The following SLCO6A1 variants were observed in gnomAD, a reference collection of about 807,000 sequenced individuals.
The protein encoded by SLCO6A1 is solute carrier organic anion transporter family member 6A1.
In SLCO6A1, 65 loss-of-function variants were observed where a neutral mutation model predicts 72.7. The ratio of observed to expected loss-of-function variants is 0.89; its 90% CI spans 0.73 to 1.10. The LOEUF is 1.10. Ranked by LOEUF, SLCO6A1 falls within the 50% of genes least tolerant of loss-of-function variation. The pLI, the probability that SLCO6A1 is intolerant of heterozygous loss-of-function variation, is 0.00. For missense variants in SLCO6A1, 874 were observed against 872.6 expected (o/e 1.00, Z -0.02); for synonymous variants, 314 against 298.2 (o/e 1.05, Z -0.55).
In SLCO6A1 at chr5:102,418,121, G is replaced by C. The variant is rs148890390; in HGVS notation, c.1472+1705C>G. On this transcript the variant is annotated intron_variant, in intron 8 of 13. Transcript: ENST00000506729. ...AGGACTTTAAAAATATTATTCCACT[G>C]TCTTCTTACCTGCATTTGTTTCTGA... 2.1e-3 allele frequency among the ~76,000 whole-genome samples: 317 copies of C among 151,458 alleles called. 3 individuals are homozygous for C. The highest frequency in any genetic ancestry group is 7.3e-3 in the African/African-American group (301 of 41,216).
At chr5:102,415,114 T>C (rs1205713078) in intron 8 of SLCO6A1, among the ~76,000 whole-genome samples, 1 of 152,090 alleles carries the variant, frequency 6.6e-6, no homozygotes, top group Non-Finnish European at 1.5e-5. Context: ...AGAATTAATC[T>C]TGTTAAAATG....
At position 102,469,894 on chromosome 5, in the gene SLCO6A1, T is replaced by G. The variant is rs561890700; in HGVS notation, c.899+5803A>C. On this transcript the variant is annotated intron_variant, in intron 4 of 13. Transcript: ENST00000506729. ...AGGCTGCTGAATTTTGTTGAAGGCC[T>G]TTTCCACATCTACTGCGATAATCAT... is the stretch of plus-strand genomic sequence containing the variant. Among the ~76,000 whole-genome samples, 7 of 152,334 alleles carry G rather than the reference T, an allele frequency of 4.6e-5. 1 individual carries two copies. The South Asian group carries it at 1.4e-3, about 32-fold the overall frequency.
At chr5:102,487,878 A>G (rs756215852) in intron 1 of SLCO6A1, among the ~76,000 whole-genome samples, 15 of 152,244 alleles carry the variant, frequency 9.9e-5, no homozygotes, top group Non-Finnish European at 1.8e-4. Context: ...TCAAAGTAAG[A>G]ATTGTGTTCA....
At chr5:102,477,591 T>G (rs1751968686) in intron 3 of SLCO6A1, 85 bp downstream of exon 3, 2 of 1,087,558 alleles carry the variant, frequency 1.8e-6, no homozygotes, top group Non-Finnish European at 2.7e-6. Context: ...GGGCCAATAG[T>G]ACTTCTATAT....
chr5:102,434,909 A>C (rs2112666591), intron 7 of SLCO6A1, among the ~76,000 whole-genome samples: 1 of 152,332 alleles, frequency 6.6e-6, no homozygotes, highest in Admixed American at 6.5e-5. Flanking sequence ...AAAAAGAAAA[A>C]AAATTATAGC....
chr5:102,452,873 T>C (rs545723726), intron 6 of SLCO6A1, among the ~76,000 whole-genome samples: 12 of 152,186 alleles, frequency 7.9e-5, no homozygotes, highest in Non-Finnish European at 1.8e-4. Context: ...GATTTTCTAG[T>C]TGTCCTTGTG....
At chr5:102,454,396 A>G (rs1005084373) in intron 6 of SLCO6A1, among the ~76,000 whole-genome samples, 7 of 152,218 alleles carry the variant, frequency 4.6e-5, no homozygotes, top group African/African-American at 1.2e-4. Context: ...TAATTTCCAG[A>G]GTTTCAAAAT....
At chr5:102,385,826 C>CTTTTTTTTTT (rs57983218) in intron 12 of SLCO6A1, among the ~76,000 whole-genome samples, 4 of 121,214 alleles carry the variant, frequency 3.3e-5, no homozygotes, top group Admixed American at 8.7e-5. Flanking sequence ...CCTGTTTTTC[C>CTTTTTTTTTT]TTTTTTTTTT....
chr5:102,373,233 A>C, intron 13 of SLCO6A1, 104 bp downstream of exon 13: 3 of 689,086 alleles, frequency 4.4e-6, no homozygotes, highest in Non-Finnish European at 4.0e-6. Context: ...AAATATATAG[A>C]ATTATATGAA....
At chr5:102,420,081 C>T in intron 7 of SLCO6A1, 60 bp from the exon 8 acceptor site, 1 of 1,310,204 alleles carries the variant, frequency 7.6e-7, no homozygotes, top group Non-Finnish European at 1.0e-6. Context: ...ACAGATAATA[C>T]ATACATTGAT....
At chr5:102,462,938 G>T (rs1751116947) in intron 4 of SLCO6A1, among the ~76,000 whole-genome samples, 1 of 152,048 alleles carries the variant, frequency 6.6e-6, no homozygotes, top group Non-Finnish European at 1.5e-5. Context: ...TAATTAAACA[G>T]AAAAGCTTCT....
chr5:102,478,963 A>G (rs187719600), intron 2 of SLCO6A1, among the ~76,000 whole-genome samples: 4 of 152,294 alleles, frequency 2.6e-5, no homozygotes, highest in African/African-American at 7.2e-5. Context: ...ATCAGTGTCA[A>G]TGTGATATTT....
chr5:102,456,968 C>T (rs1321499358), intron 6 of SLCO6A1, among the ~76,000 whole-genome samples: 4 of 152,172 alleles, frequency 2.6e-5, no homozygotes, highest in Non-Finnish European at 5.9e-5. Flanking sequence ...ACCATCTGAT[C>T]TTTGACAAAC....
intron 7 of SLCO6A1, among the ~76,000 whole-genome samples, chr5:102,431,225 C>T (rs946188561): frequency 6.6e-6 from 1 of 151,700 alleles, no homozygotes; most frequent in Non-Finnish European, 1.5e-5. Context: ...TTCATTGTTC[C>T]TTTGAATGTT....
chr5:102,447,842 C>T (rs1750200500), intron 6 of SLCO6A1, among the ~76,000 whole-genome samples: 2 of 152,022 alleles, frequency 1.3e-5, no homozygotes. Context: ...TTTCATTGAT[C>T]TTTTTATGGT....
Position 102,399,641 on chromosome 5 carries a change from A to G in SLCO6A1, c.1728T>C (p.Tyr576=), listed in dbSNP as rs781654782. 6.2e-7 allele frequency: 1 copy of G among 1,610,204 alleles called. No individual in the cohort carries two copies. The highest frequency in any genetic ancestry group is 1.7e-5 in the Admixed American group (1 of 59,938). Residue 576 remains tyrosine (Y), a synonymous_variant, in exon 10 of 14, where the codon TAT becomes TAC. Transcript: ENST00000506729. ...TAAAAGCAATGAACAAAGGTAACTTATAGCACTTTGCATCACATTTCCCGG... is the reference window on the plus strand; with the variant it reads ...TAAAAGCAATGAACAAAGGTAACTTGTAGCACTTTGCATCACATTTCCCGG... ...ARPGKCDAKC[Y]KLPLFIAFIF...
chr5:102,459,539 T>TCTATG lies in SLCO6A1; in HGVS notation c.1021+116_1021+117insCATAG, dbSNP rs2112759998. 3.4e-6 allele frequency: 4 copies of TCTATG among 1,190,138 alleles called. No individual in the cohort carries two copies. In the South Asian group the frequency reaches 7.8e-5, roughly 23 times the overall value. 73.7% of individuals were successfully genotyped at this position (1,190,138 alleles called of 1,614,324 possible). A position where few individuals can be genotyped will look rare whatever the true frequency, so the allele number is the denominator to read the frequency against. ...ACACTGTATCTCTATGACAAACCACTACAGCGAGAGGCATACTCATTTTAT... is the reference window on the plus strand; with the variant it reads ...ACACTGTATCTCTATGACAAACCACTCTATGACAGCGAGAGGCATACTCATTTTAT... On this transcript the variant is annotated intron_variant, in intron 5 of 13. Coordinates refer to ENST00000506729, the MANE Select transcript of SLCO6A1 (RefSeq NM_173488.5).
intron 9 of SLCO6A1, among the ~76,000 whole-genome samples, chr5:102,412,415 T>C (rs1309463359): frequency 6.6e-6 from 1 of 152,158 alleles, no homozygotes; most frequent in Non-Finnish European, 1.5e-5. Context: ...TGTAGGAATA[T>C]CTCTTTCACT....
chr5:102,464,194 TA>T (rs957163166), intron 4 of SLCO6A1, among the ~76,000 whole-genome samples: 13 of 151,486 alleles, frequency 8.6e-5, no homozygotes, highest in African/African-American at 1.7e-4. Context: ...ACTATCGAAA[TA>T]AAAAAACAGA....
Sources: allele counts gnomAD v4.1 joint callset (sites outside exome capture counted in the v4.1 genomes callset), GRCh38; gene constraint gnomAD v4.1.1; transcripts MANE v1.5; gene names NCBI Gene and HGNC (gene_info 2026-07-23, HGNC 2026-07-21).